Variants in HYDIN observed in about 807,000 individuals in gnomAD.
The protein encoded by HYDIN is HYDIN axonemal central pair apparatus protein.
A neutral mutation model predicts 403.9 loss-of-function variants in HYDIN; 132 were observed. The observed-to-expected ratio is 0.33, with a 90% CI of 0.28 to 0.38. The LOEUF (loss-of-function observed/expected upper bound fraction) is 0.38. Among genes scored for constraint, HYDIN ranks in the 10% least tolerant of loss-of-function variants. The pLI is 1.00. For synonymous variants in HYDIN, 1,202 were observed against 1,891.7 expected, an observed-to-expected ratio of 0.64 and a Z score of 9.46; for missense variants, 2,827 against 5,009.5, an observed-to-expected ratio of 0.56 and a Z score of 13.15.
At chr16:71,081,482 A>G (rs1383566365) in intron 12 of HYDIN, among the ~76,000 whole-genome samples, 6 of 152,148 alleles carry the variant, frequency 3.9e-5, no homozygotes, top group Admixed American at 6.6e-5. Context: ...CTTGAAAAAA[A>G]GCTTTTAGGG....
At position 70,850,647 on chromosome 16, in the gene HYDIN, A is replaced by G. The variant is rs183254818; in HGVS notation, c.12452T>C (p.Ile4151Thr). Residue 4151 changes from isoleucine (I) to threonine (T), a missense_variant, in exon 74 of 86, where the codon ATT becomes ACT. Ile to Thr is a moderately conservative substitution (Grantham distance 89). Transcript: ENST00000393567. ...CTGCTTTGGTGTGAAGAAAATATCA[A>G]TTGGGAACCTGGTTGGGGAACAAAA... Reference protein sequence around the residue: ...GWIPPLSRFPIDIFFTPKQEG... With the variant: ...GWIPPLSRFPTDIFFTPKQEG... The G allele has an allele frequency of 1.5e-5, 25 of 1,613,762 alleles. No individual in the cohort carries two copies. The highest frequency in any genetic ancestry group is 4.0e-5 in the African/African-American group (3 of 75,028).
At chr16:71,113,686 T>C (rs538696119) in intron 10 of HYDIN, 5 of 151,530 alleles carry the variant, frequency 3.3e-5, no homozygotes, top group Admixed American at 6.6e-5. Context: ...CTCAAACTTC[T>C]GGGCTTAAGT....
At chr16:71,008,407 G>A (rs889298562) in intron 23 of HYDIN, among the ~76,000 whole-genome samples, 2 of 152,226 alleles carry the variant, frequency 1.3e-5, no homozygotes, top group African/African-American at 4.8e-5. Flanking sequence ...TGTATGACAT[G>A]TAATGAGTTA....
In HYDIN at chr16:70,860,197, G is replaced by T. The variant is rs1395780439; in HGVS notation, c.12000C>A (p.Thr4000=). The T allele has an allele frequency of 6.2e-7, 1 of 1,613,818 alleles. No individual in the cohort carries two copies. The highest frequency in any genetic ancestry group is 1.1e-5 in the South Asian group (1 of 90,952). ...GIGGKNLRTF[T]ILNPTNSTYS... ...AGGTGCTATTGGTTGGGTTTAGGAT[G>T]GTAAAGGTCCTGGCCAGGGTGGAGA... The change falls in exon 71 of 86, where the codon ACC becomes ACA. Residue 4000 remains threonine, a synonymous_variant. Transcript: ENST00000393567.
intron 62 of HYDIN, among the ~76,000 whole-genome samples, chr16:70,875,359 G>C (rs1205070083): frequency 6.6e-6 from 1 of 152,116 alleles, no homozygotes; most frequent in Non-Finnish European, 1.5e-5. Context: ...TTGCCTGATA[G>C]TGTCATGTTG....
intron 7 of HYDIN, among the ~76,000 whole-genome samples, chr16:71,145,406 C>T (rs2047090571): frequency 6.6e-6 from 1 of 152,156 alleles, no homozygotes; most frequent in Admixed American, 6.5e-5. Flanking sequence ...AGGCACACGC[C>T]ATCACACCCA....
chr16:71,158,667 T>C (rs554515697), intron 6 of HYDIN, among the ~76,000 whole-genome samples: 443 of 150,780 alleles, frequency 2.9e-3, no homozygotes, highest in Non-Finnish European at 4.5e-3. Flanking sequence ...ATTTTTTCAA[T>C]TGAAAAAGAT....
chr16:71,152,409 T>A (rs1467262917), intron 7 of HYDIN, among the ~76,000 whole-genome samples: 2 of 151,196 alleles, frequency 1.3e-5, no homozygotes, highest in Non-Finnish European at 3.0e-5. Context: ...GGTGTTTAGT[T>A]ACATGAATAA....
At chr16:71,173,137 T>C (rs1371763257) in intron 5 of HYDIN, among the ~76,000 whole-genome samples, 2 of 152,224 alleles carry the variant, frequency 1.3e-5, no homozygotes, top group East Asian at 3.8e-4. Flanking sequence ...TTATATAGTT[T>C]AGAGCCAAGT....
At chr16:71,178,434 A>T (rs78232394) in intron 4 of HYDIN, among the ~76,000 whole-genome samples, 25,257 of 94,416 alleles carry the variant, frequency 0.27, 3,446 homozygotes, top group Middle Eastern at 0.46. Context: ...AAAAAAAAAA[A>T]ATATATATAT....
chr16:70,949,935 A>G (rs1466454607), intron 41 of HYDIN, among the ~76,000 whole-genome samples: 11 of 152,386 alleles, frequency 7.2e-5, no homozygotes, highest in Admixed American at 5.2e-4. Context: ...AACACCCTAT[A>G]TGGTAACAGA....
At chr16:70,840,720 C>G (rs2037760085) in intron 75 of HYDIN, among the ~76,000 whole-genome samples, 2 of 152,194 alleles carry the variant, frequency 1.3e-5, no homozygotes, top group Admixed American at 1.3e-4. Flanking sequence ...TGCCTTCACA[C>G]TCTTCCCCTT....
chr16:71,140,824 C>A (rs2144547365), intron 7 of HYDIN, among the ~76,000 whole-genome samples: 1 of 151,968 alleles, frequency 6.6e-6, no homozygotes, highest in African/African-American at 2.4e-5. Flanking sequence ...AGGCCAATTG[C>A]ACTTCTGAAT....
chr16:71,020,191 G>C lies in HYDIN; in HGVS notation c.3313C>G (p.Leu1105Val), dbSNP rs544619786. 6.2e-7 allele frequency: 1 copy of C among 1,613,800 alleles called. No individual in the cohort carries two copies. Among genetic ancestry groups the C allele is most frequent in the African/African-American group, 1.3e-5 (1 of 75,026 alleles). ...FFICETDKSLLPATPEPIKLE... is the reference protein window; with the variant it reads ...FFICETDKSLVPATPEPIKLE... ...TAAGGTACCTCAGGAGTTGCCGGCA[G>C]CAGGGATTTATCAGTCTCACATATA... is the stretch of plus-strand genomic sequence containing the variant. Residue 1105 changes from leucine (L) to valine (V), a missense_variant, in exon 22 of 86, where the codon CTG becomes GTG. Physicochemically the swap from Leu to Val is conservative, Grantham distance 32 (BLOSUM62 1). Coordinates refer to ENST00000393567, the MANE Select transcript of HYDIN (RefSeq NM_001270974.2).
intron 1 of HYDIN, among the ~76,000 whole-genome samples, chr16:71,207,909 C>A (rs2088383381): frequency 6.6e-6 from 1 of 151,996 alleles, no homozygotes; most frequent in Non-Finnish European, 1.5e-5. Context: ...ACAGGTGCAC[C>A]CAGATTCATA....
At chr16:71,216,850 G>C (rs1567464709) in intron 1 of HYDIN, among the ~76,000 whole-genome samples, 2 of 152,178 alleles carry the variant, frequency 1.3e-5, no homozygotes, top group Non-Finnish European at 2.9e-5. Context: ...AGTTTGGGAA[G>C]TGCTTAGCCA....
rs1164506468 is a variant in HYDIN at position 71,079,166 on chromosome 16, T to C, written c.1738+719A>G. ...AGACATAGAAGCTACATGCTACCTA[T>C]GATGGAGTTACAGAATTGAAAGAGC... is the stretch of plus-strand genomic sequence containing the variant. On this transcript the variant is annotated intron_variant, in intron 13 of 85. Transcript: ENST00000393567. Among the ~76,000 whole-genome samples the C allele has an allele frequency of 2.0e-5, 3 of 152,126 alleles. No homozygotes were observed. The East Asian group carries it at 5.8e-4, about 29-fold the overall frequency.
chr16:70,892,893 GA>G (rs2041558190), intron 55 of HYDIN, among the ~76,000 whole-genome samples: 1 of 152,218 alleles, frequency 6.6e-6, no homozygotes, highest in Non-Finnish European at 1.5e-5. Flanking sequence ...CAGTGACACA[GA>G]AACCAGAGAA....
Position 70,955,434 on chromosome 16 carries a change from G to A in HYDIN, c.6257C>T (p.Ala2086Val). ...ANSNNIPGIR[A>V]RELCIRAAIE... ...GGCAGCCCTGATGCAGAGCTCACGGGCCCGGATCCCTGGGATGTTGTTGCT... is the reference window on the plus strand; with the variant it reads ...GGCAGCCCTGATGCAGAGCTCACGGACCCGGATCCCTGGGATGTTGTTGCT... Residue 2086 changes from alanine to valine, a missense_variant, in exon 40 of 86, where the codon GCC becomes GTC. Coordinates refer to ENST00000393567, the MANE Select transcript of HYDIN (RefSeq NM_001270974.2). 1.2e-6 allele frequency: 2 copies of A among 1,614,114 alleles called. No homozygotes were observed. Among genetic ancestry groups the A allele is most frequent in the Non-Finnish European group, 8.5e-7 (1 of 1,179,994 alleles).
Sources: allele counts gnomAD v4.1 joint callset (sites outside exome capture counted in the v4.1 genomes callset), GRCh38; gene constraint gnomAD v4.1.1; transcripts MANE v1.5; gene names NCBI Gene and HGNC (gene_info 2026-07-23, HGNC 2026-07-21).